The following SEPTIN8 variants were observed in gnomAD, a reference collection of about 807,000 sequenced individuals.
SEPTIN8 encodes septin-8.
A neutral mutation model predicts 53.1 loss-of-function variants in SEPTIN8; 22 were observed. The observed-to-expected ratio is 0.41, with a 90% CI of 0.30 to 0.59. The LOEUF is 0.59. Ranked by LOEUF, SEPTIN8 falls within the 20% of genes least tolerant of loss-of-function variation. The pLI is 0.24. For missense variants in SEPTIN8, 536 were observed against 638.7 expected, an observed-to-expected ratio of 0.84 and a Z score of 1.73; for synonymous variants, 228 against 248.4, an observed-to-expected ratio of 0.92 and a Z score of 0.77.
At position 132,760,760 on chromosome 5, in the gene SEPTIN8, C is replaced by T. The variant is rs1017384142; in HGVS notation, c.1286+42G>A. On this transcript the variant is annotated intron_variant, in intron 9 of 9. Transcript: ENST00000378719. This position sits in a 1 kb window ranked among gnomAD's most constrained non-coding sequence, Gnocchi z 5.2. Reference sequence around the variant, plus strand: ...GGACAAGAACGAAAGCAAGAGCCCACAGGAGCAAGAGGAGCCAGCGCAGGC... The same window carrying T: ...GGACAAGAACGAAAGCAAGAGCCCATAGGAGCAAGAGGAGCCAGCGCAGGC... The T allele has an allele frequency of 3.2e-6, 5 of 1,578,340 alleles. No individual in the cohort carries two copies. Among genetic ancestry groups the T allele is most frequent in the Admixed American group, 3.6e-5 (2 of 55,764 alleles).
In SEPTIN8 at chr5:132,760,690, A is replaced by C; in HGVS notation, c.1286+112T>G. The C allele has an allele frequency of 9.7e-7, 1 of 1,029,806 alleles. No individual in the cohort carries two copies. Among genetic ancestry groups the C allele is most frequent in the East Asian group, 2.4e-5 (1 of 41,162 alleles). 63.8% of individuals were successfully genotyped at this position (1,029,806 alleles called of 1,614,324 possible). On this transcript the variant is annotated intron_variant, in intron 9 of 9. Transcript: ENST00000378719. This position sits in a 1 kb window ranked among gnomAD's most constrained non-coding sequence, Gnocchi z 5.2. Reference sequence around the variant, plus strand: ...TGAAGATGAGGGAAAACCAAACAGGAAAGGGGTAAGAGAGGGCGAGCAGGA... The same window carrying C: ...TGAAGATGAGGGAAAACCAAACAGGCAAGGGGTAAGAGAGGGCGAGCAGGA...
rs540773194 is a variant in SEPTIN8, at chr5:132,761,669, C to T, written c.794-43G>A. ...GTGGGGTATCAGGCAGGCATGCAGG[C>T]GGGCACACTCCAGAGTCAGGGTAGG... is the stretch of plus-strand genomic sequence containing the variant. On this transcript the variant is annotated intron_variant, in intron 6 of 9. Transcript: ENST00000378719. This position sits in a 1 kb window ranked among gnomAD's most constrained non-coding sequence, Gnocchi z 5.8. The T allele has an allele frequency of 8.7e-5, 139 of 1,606,318 alleles. No individual in the cohort carries two copies. In the South Asian group the frequency reaches 1.3e-3, roughly 14 times the overall value.
At chr5:132,753,371 A>T (rs1002903795) in intron 9 of SEPTIN8, 2 of 200,578 alleles carry the variant, frequency 1.0e-5, no homozygotes, top group Non-Finnish European at 2.1e-5. Context: ...GCTAGCTCTG[A>T]CCAGTTCTTG....
Position 132,751,636 on chromosome 5 carries a change from C to T in SEPTIN8, c.*380G>A. Reference sequence around the variant, plus strand: ...TTGCAGAGTTTCGTCTTATGATAAGCAGATACAAGTAACTTTTCTGCTACC... The same window carrying T: ...TTGCAGAGTTTCGTCTTATGATAAGTAGATACAAGTAACTTTTCTGCTACC... On this transcript the variant is annotated 3_prime_UTR_variant, in exon 10 of 10. Transcript: ENST00000378719. 2.6e-6 allele frequency: 1 copy of T among 386,766 alleles called. No individual in the cohort carries two copies. The highest frequency in any genetic ancestry group is 4.6e-6 in the Non-Finnish European group (1 of 216,808). The allele number at this position is 386,766 out of a possible 1,614,324, so 24.0% of individuals were successfully genotyped here.
At chr5:132,758,767 A>C (rs1581144542) in intron 9 of SEPTIN8, 3 of 1,614,180 alleles carry the variant, frequency 1.9e-6, no homozygotes, top group Non-Finnish European at 1.7e-6. Flanking sequence ...AACTCAAGCA[A>C]CTTAACACAT....
intron 4 of SEPTIN8, among the ~76,000 whole-genome samples, chr5:132,763,077 T>C (rs1451926890): frequency 6.6e-6 from 1 of 152,304 alleles, no homozygotes; most frequent in East Asian, 1.9e-4. Flanking sequence ...GCTATCCCGT[T>C]TTTTACAATA....
Position 132,761,836 on chromosome 5 carries a change from C to A in SEPTIN8, c.757G>T (p.Val253Phe). Residue 253 changes from valine (V) to phenylalanine (F), a missense_variant, in exon 6 of 10, where the codon GTC becomes TTC. Val to Phe is a conservative substitution (Grantham distance 50, BLOSUM62 -1). Transcript: ENST00000378719. This position sits in a 1 kb window ranked among gnomAD's most constrained non-coding sequence, Gnocchi z 5.8. ...TEEVKVGNKLVRARQYPWGVV... is the reference protein window; with the variant it reads ...TEEVKVGNKLFRARQYPWGVV... ...CCCCAGGGGTACTGCCGTGCTCGGA[C>A]CAGCTTGTTCCCCACCTTCACCTCC... is the stretch of plus-strand genomic sequence containing the variant. 6.2e-7 allele frequency: 1 copy of A among 1,609,002 alleles called. No individual in the cohort carries two copies. Among genetic ancestry groups the A allele is most frequent in the South Asian group, 1.1e-5 (1 of 89,952 alleles).
chr5:132,751,801 T>G lies in SEPTIN8; in HGVS notation c.*215A>C, dbSNP rs549695318. On this transcript the variant is annotated 3_prime_UTR_variant, in exon 10 of 10. Transcript: ENST00000378719. ...GTGGAAGCTCAGCTTGGCCACAGGA[T>G]GGGCATTAAGCCTCAAGCCCCTTAC... 4 of 791,080 alleles carry G rather than the reference T, an allele frequency of 5.1e-6. No homozygotes were observed. Among genetic ancestry groups the G allele is most frequent in the Non-Finnish European group, 5.8e-6 (3 of 513,396 alleles). The allele number at this position is 791,080 out of a possible 1,614,324, so 49.0% of individuals were successfully genotyped here.
Position 132,761,368 on chromosome 5 carries a change from G to A in SEPTIN8, c.962+90C>T. On this transcript the variant is annotated intron_variant, in intron 7 of 9. Coordinates refer to ENST00000378719, the MANE Select transcript of SEPTIN8 (RefSeq NM_001098811.2). This position sits in a 1 kb window ranked among gnomAD's most constrained non-coding sequence, Gnocchi z 5.8. The stretch of plus-strand genomic sequence containing the variant: ...AGAATCATGTGGGCACGAGGGGTAA[G>A]AGGATGTGGGGTCCCTCAGGGAACA... The A allele has an allele frequency of 6.3e-7, 1 of 1,589,220 alleles. No homozygotes were observed. Among genetic ancestry groups the A allele is most frequent in the Non-Finnish European group, 8.5e-7 (1 of 1,170,296 alleles).
Position 132,766,432 on chromosome 5 carries a change from G to A in SEPTIN8, c.31-903C>T, listed in dbSNP as rs117693649. Among the ~76,000 whole-genome samples, 113 of 152,330 alleles carry A rather than the reference G, an allele frequency of 7.4e-4. 7 individuals are homozygous for A. In the East Asian group the frequency reaches 0.022, roughly 29 times the overall value. On this transcript the variant is annotated intron_variant, in intron 1 of 9. Transcript: ENST00000378719. ...ACCGCTCTATAAAAAGAAACCACGA[G>A]GACCCAAAGCAGAGGGTCATGGTCA...
Position 132,763,882 on chromosome 5 carries a change from T to C in SEPTIN8, c.358A>G (p.Ile120Val). ...AACTGCGCATCGATGTAGTCAACTA[T>C]GGGCCTGTAACTACAGACAGCTCCA... ...QINKDESYRP[I>V]VDYIDAQFEN... is the part of the protein sequence containing the mutation. Residue 120 changes from isoleucine (I) to valine (V), a missense_variant, in exon 4 of 10, where the codon ATA (isoleucine) becomes GTA (valine). Ile to Val is a conservative substitution (Grantham distance 29, BLOSUM62 3). Coordinates refer to ENST00000378719, the MANE Select transcript of SEPTIN8 (RefSeq NM_001098811.2). 1 of 1,573,050 alleles carries C rather than the reference T, an allele frequency of 6.4e-7. No homozygotes were observed. Among genetic ancestry groups the C allele is most frequent in the Non-Finnish European group, 8.6e-7 (1 of 1,158,136 alleles).
chr5:132,764,032 TG>T, intron 3 of SEPTIN8, 140 bp from the exon 4 acceptor site: 1 of 1,004,410 alleles, frequency 1.0e-6, no homozygotes, highest in Non-Finnish European at 1.4e-6. Context: ...GATCCCTGAC[TG>T]GATACAGGCA....
intron 9 of SEPTIN8, among the ~76,000 whole-genome samples, chr5:132,754,778 A>G (rs1755184954): frequency 6.6e-6 from 1 of 152,226 alleles, no homozygotes; most frequent in Non-Finnish European, 1.5e-5. Flanking sequence ...GAGATTGGGA[A>G]ACATTTCTCA....
At chr5:132,777,966 G>C (rs1033307389), upstream of SEPTIN8, 21 of 985,380 alleles carry the variant, frequency 2.1e-5, no homozygotes, top group Non-Finnish European at 2.5e-5. The surrounding 1 kb of genome is among the most constrained non-coding windows in gnomAD (Gnocchi z 4.1). Context: ...CCTGTCCCAA[G>C]GGCTTGGGAC....
chr5:132,769,697 C>T (rs1430092158), intron 1 of SEPTIN8, among the ~76,000 whole-genome samples: 1 of 151,906 alleles, frequency 6.6e-6, no homozygotes, highest in African/African-American at 2.4e-5. Flanking sequence ...GACCACACTG[C>T]TCAGGAGAGC....
rs1021535535 is a variant in SEPTIN8 at position 132,773,344 on chromosome 5, A to C, written c.30+3764T>G. 7.9e-5 allele frequency among the ~76,000 whole-genome samples: 12 copies of C among 152,332 alleles called. No homozygotes were observed. Among genetic ancestry groups the C allele is most frequent in the African/African-American group, 2.6e-4 (11 of 41,592 alleles). Reference sequence around the variant, plus strand: ...AGGCTGGGGAGGCTGCAAGGGACACACAGAGGCCAGCTGGCCCTCAGGCCC... The same window carrying C: ...AGGCTGGGGAGGCTGCAAGGGACACCCAGAGGCCAGCTGGCCCTCAGGCCC... On this transcript the variant is annotated intron_variant, in intron 1 of 9. Coordinates refer to ENST00000378719, the MANE Select transcript of SEPTIN8 (RefSeq NM_001098811.2). The surrounding 1 kb of genome is among the most constrained non-coding windows in gnomAD (Gnocchi z 4.2).
chr5:132,758,056 G>A, intron 9 of SEPTIN8: 1 of 995,752 alleles, frequency 1.0e-6, no homozygotes, highest in Non-Finnish European at 1.2e-6. Flanking sequence ...ACAGCTTTGG[G>A]CTGCTGTTCC....
chr5:132,761,321 G>A lies in SEPTIN8; in HGVS notation c.963-56C>T. Reference sequence around the variant, plus strand: ...ATGGGATTATGACGGAATGGGATAGGGCAGGGCAGAGCCAGAGAAGTAGAA... The same window carrying A: ...ATGGGATTATGACGGAATGGGATAGAGCAGGGCAGAGCCAGAGAAGTAGAA... On this transcript the variant is annotated intron_variant, in intron 7 of 9. Coordinates refer to ENST00000378719, the MANE Select transcript of SEPTIN8 (RefSeq NM_001098811.2). The surrounding 1 kb of genome is among the most constrained non-coding windows in gnomAD (Gnocchi z 5.8). 6.2e-7 allele frequency: 1 copy of A among 1,606,568 alleles called. No homozygotes were observed.
chr5:132,760,523 A>G lies in SEPTIN8; in HGVS notation c.1286+279T>C, dbSNP rs1203316504. ...GAAGAAGGGGGAAGAGAAGGAGAGA[A>G]AAAGGGAGAAGGGAGAGGGAGGGGG... On this transcript the variant is annotated intron_variant, in intron 9 of 9. Transcript: ENST00000378719. The surrounding 1 kb of genome is among the most constrained non-coding windows in gnomAD (Gnocchi z 5.2). Among the ~76,000 whole-genome samples, 1 of 152,116 alleles carries G rather than the reference A, an allele frequency of 6.6e-6. No homozygotes were observed. The highest frequency in any genetic ancestry group is 1.5e-5 in the Non-Finnish European group (1 of 68,030).
Sources: allele counts gnomAD v4.1 joint callset (sites outside exome capture counted in the v4.1 genomes callset), GRCh38; gene constraint gnomAD v4.1.1; non-coding constraint Gnocchi (gnomAD v3.1); transcripts MANE v1.5; gene names NCBI Gene and HGNC (gene_info 2026-07-23, HGNC 2026-07-21).